The following PLCG2 variants were observed in gnomAD, a reference collection of about 807,000 sequenced individuals.
The protein encoded by PLCG2 is 1-phosphatidylinositol 4,5-bisphosphate phosphodiesterase gamma-2.
PLCG2 carries 69 observed loss-of-function variants against 175.6 expected under a neutral mutation model. The observed-to-expected ratio is 0.39, with a 90% CI of 0.32 to 0.48. PLCG2 has a LOEUF of 0.48. Ranked by LOEUF, PLCG2 falls within the 20% of genes least tolerant of loss-of-function variation. The probability of loss-of-function intolerance (pLI) is 0.91; values close to 1 mark genes in which losing one functional copy is unlikely to be tolerated. For synonymous variants in PLCG2, 827 were observed against 624.0 expected (o/e 1.33, Z -4.85); for missense variants, 1,798 against 1,650.9 (o/e 1.09, Z -1.54).
At chr16:81,906,594 T>A (rs906823711) in intron 15 of PLCG2, among the ~76,000 whole-genome samples, 13 of 152,184 alleles carry the variant, frequency 8.5e-5, no homozygotes, top group African/African-American at 3.1e-4. Flanking sequence ...CTGCTAATTT[T>A]TGTAGCCTTA....
exon 1 of PLCG2, chr16:81,739,339 G>A (rs1189578212): frequency 1.3e-5 from 2 of 152,032 alleles, no homozygotes; most frequent in Non-Finnish European, 2.9e-5. Flanking sequence ...ACAGTGGCGG[G>A]TCTGCAGTCA....
intron 9 of PLCG2, 53 bp from the exon 10 acceptor site, chr16:81,889,119 G>T (rs1908510667): frequency 1.8e-6 from 2 of 1,100,322 alleles, no homozygotes. Context: ...GGGAAATGAA[G>T]AATTTTATCA....
At position 81,937,910 on chromosome 16, in the gene PLCG2, C is replaced by G; in HGVS notation, c.3198+7C>G. 2.5e-6 allele frequency: 4 copies of G among 1,613,602 alleles called. No homozygotes were observed. The highest frequency in any genetic ancestry group is 3.4e-6 in the Non-Finnish European group (4 of 1,179,658). On this transcript the variant is annotated splice_region_variant and intron_variant, in intron 28 of 32. Coordinates refer to ENST00000564138, the MANE Select transcript of PLCG2 (RefSeq NM_002661.5). Reference sequence around the variant, plus strand: ...GATGACGCTGACAGTCAAGGTAAAGCCAGCCCTCCCTTCCTGCCAGGGGAG... The same window carrying G: ...GATGACGCTGACAGTCAAGGTAAAGGCAGCCCTCCCTTCCTGCCAGGGGAG...
At chr16:81,772,814 A>G (rs1597309488) in intron 2 of PLCG2, among the ~76,000 whole-genome samples, 1 of 151,866 alleles carries the variant, frequency 6.6e-6, no homozygotes, top group South Asian at 2.1e-4. Flanking sequence ...ATCTCCAAAA[A>G]AAAGAATGAC....
chr16:81,949,504 A>G (rs1210669579), intron 31 of PLCG2, among the ~76,000 whole-genome samples: 3 of 152,220 alleles, frequency 2.0e-5, no homozygotes, highest in African/African-American at 7.2e-5. Flanking sequence ...GGAATAATTC[A>G]GTGTCCAGCC....
intron 2 of PLCG2, chr16:81,799,031 GGCCCAA>G (rs1372184905): frequency 6.6e-6 from 1 of 152,304 alleles, no homozygotes; most frequent in Non-Finnish European, 1.5e-5. Context: ...AGGCAAGAAG[GGCCCAA>G]GCCCAGCGTG....
intron 13 of PLCG2, 80 bp downstream of exon 13, chr16:81,896,007 AAC>A (rs1908869719): frequency 1.3e-6 from 2 of 1,542,194 alleles, no homozygotes; most frequent in Non-Finnish European, 1.8e-6. Context: ...CAGACAGGCA[AAC>A]ACACACAGAC....
chr16:81,946,184 C>G lies in PLCG2; in HGVS notation c.3491C>G (p.Ser1164Cys). 1 of 1,613,412 alleles carries G rather than the reference C, an allele frequency of 6.2e-7. No individual in the cohort carries two copies. The highest frequency in any genetic ancestry group is 8.5e-7 in the Non-Finnish European group (1 of 1,179,382). ...PIKAVKSGFR[S>C]VPLKNGYSED... is the part of the protein sequence containing the mutation. Reference sequence around the variant, plus strand: ...CCTTGTTCTGCTTCAGGATTCAGGTCCGTTCCTCTGAAGAATGGGTACAGC... The same window carrying G: ...CCTTGTTCTGCTTCAGGATTCAGGTGCGTTCCTCTGAAGAATGGGTACAGC... Residue 1164 changes from serine (S) to cysteine (C), a missense_variant, in exon 31 of 33, where the codon TCC becomes TGC. Physicochemically the swap from Ser to Cys is moderately radical, Grantham distance 112. Coordinates refer to ENST00000564138, the MANE Select transcript of PLCG2 (RefSeq NM_002661.5).
chr16:81,811,475 T>C (rs997950958), intron 2 of PLCG2, among the ~76,000 whole-genome samples: 3 of 152,106 alleles, frequency 2.0e-5, no homozygotes, highest in African/African-American at 7.2e-5. Flanking sequence ...TTCCGTTTTC[T>C]TTTTTCTTTT....
chr16:81,748,010 G>C (rs1909737193), intron 1 of PLCG2, among the ~76,000 whole-genome samples: 1 of 152,150 alleles, frequency 6.6e-6, no homozygotes, highest in African/African-American at 2.4e-5. Context: ...AAGTAGCTGG[G>C]ATTACAGGCA....
rs115583707 is a variant in PLCG2, at chr16:81,927,178, G to A, written c.2514G>A (p.Gln838=). The change falls in exon 23 of 33, where the codon CAG becomes CAA. Residue 838 remains glutamine, a splice_region_variant and synonymous_variant. Coordinates refer to ENST00000564138, the MANE Select transcript of PLCG2 (RefSeq NM_002661.5). ...STADFEELEK[Q]IIEDNPLGSL... ...CAGACTTCGAGGAGCTAGAAAAGCA[G>A]GTGAGTCCCCCTCTTCGATCCTCTT... 2,960 of 1,603,218 alleles carry A rather than the reference G, an allele frequency of 1.8e-3. 45 individuals are homozygous for A. The African/African-American group carries it at 0.036, about 19-fold the overall frequency.
At chr16:81,760,763 T>TAAA (rs76802650) in intron 2 of PLCG2, among the ~76,000 whole-genome samples, 2 of 139,006 alleles carry the variant, frequency 1.4e-5, no homozygotes, top group Admixed American at 1.4e-4. Context: ...AAAAAAATAA[T>TAAA]AATAATAATA....
chr16:81,859,287 C>A, intron 5 of PLCG2, 124 bp downstream of exon 5: 1 of 662,746 alleles, frequency 1.5e-6, no homozygotes, highest in Non-Finnish European at 2.8e-6. Flanking sequence ...CCATTGTGAT[C>A]TGCGGATGCC....
At chr16:81,798,390 A>AG (rs1775088113) in intron 2 of PLCG2, 1 of 152,296 alleles carries the variant, frequency 6.6e-6, no homozygotes, top group Non-Finnish European at 1.5e-5. Context: ...GCACACAGCT[A>AG]GGGGTCCTCT....
chr16:81,938,590 G>A (rs984660895), intron 28 of PLCG2: 6 of 566,628 alleles, frequency 1.1e-5, no homozygotes, highest in South Asian at 6.8e-5. Flanking sequence ...ATATGGGGCC[G>A]AGACCCAGGC....
chr16:81,791,854 T>C (rs922440217), intron 2 of PLCG2, among the ~76,000 whole-genome samples: 1 of 151,930 alleles, frequency 6.6e-6, no homozygotes, highest in African/African-American at 2.4e-5. Flanking sequence ...CATGAACCAC[T>C]GCACCCAGCC....
chr16:81,789,658 A>T (rs2143192177), intron 2 of PLCG2, among the ~76,000 whole-genome samples: 1 of 152,274 alleles, frequency 6.6e-6, no homozygotes, highest in African/African-American at 2.4e-5. Flanking sequence ...AGAGACCAAG[A>T]ATGATGATAT....
At chr16:81,814,866 C>G (rs1213852459) in intron 2 of PLCG2, among the ~76,000 whole-genome samples, 6 of 152,102 alleles carry the variant, frequency 3.9e-5, no homozygotes, top group African/African-American at 1.2e-4. Context: ...TGATCCTCTC[C>G]CCATAGAGTT....
At chr16:81,762,691 G>A (rs1038572312) in intron 2 of PLCG2, among the ~76,000 whole-genome samples, 3 of 152,164 alleles carry the variant, frequency 2.0e-5, no homozygotes, top group African/African-American at 7.2e-5. Context: ...GGGACTTCCT[G>A]ACAATGGGAA....
Sources: gnomAD v4.1 joint callset for allele counts (sites outside exome capture counted in the v4.1 genomes callset) on GRCh38, gnomAD v4.1.1 for gene constraint, MANE v1.5 for transcripts, NCBI Gene and HGNC (gene_info 2026-07-23, HGNC 2026-07-21) for gene names.